The following KRTAP27-1 variants were observed in gnomAD, a reference collection of about 807,000 sequenced individuals.
KRTAP27-1 encodes keratin-associated protein 27-1.
A neutral mutation model predicts 0.5 loss-of-function variants in KRTAP27-1; 1 was observed. The observed-to-expected ratio is 1.90, with a 90% confidence interval of 0.68 to 9.03. The LOEUF (loss-of-function observed/expected upper bound fraction) is 9.03. KRTAP27-1 is among the 30% of genes most tolerant of loss of function. The pLI, the probability that KRTAP27-1 is intolerant of heterozygous loss-of-function variation, is 0.13. For missense variants in KRTAP27-1, 264 were observed against 244.2 expected (o/e 1.08, Z -0.54); for synonymous variants, 103 against 88.9 (o/e 1.16, Z -0.89).
chr21:30,337,471 T>C lies in KRTAP27-1; in HGVS notation c.198A>G (p.Glu66=). 1 of 1,614,222 alleles carries C rather than the reference T, an allele frequency of 6.2e-7. No homozygotes were observed. ...ETTSCQMTNC[E]QDLFTDDSCV... is the part of the protein sequence containing the mutation. The stretch of plus-strand genomic sequence containing the variant: ...AGCTATCGTCTGTGAATAAGTCCTG[T>C]TCACAATTGGTCATTTGGCAGCTGG... Residue 66 remains glutamate (E), a synonymous_variant, in exon 1 of 1, where the codon GAA becomes GAG. Transcript: ENST00000382835.
At position 30,337,422 on chromosome 21, in the gene KRTAP27-1, C is replaced by T. The variant is rs147427257; in HGVS notation, c.247G>A (p.Gly83Arg). The change falls in exon 1 of 1, where the codon GGA becomes AGA. Residue 83 changes from glycine to arginine, a missense_variant. Coordinates refer to ENST00000382835, the MANE Select transcript of KRTAP27-1 (RefSeq NM_001077711.1). ...DSCVQSNCFP[G>R]VVQTTYSNSR... ...TTGGAGTAAGTAGTTTGGACAACTC[C>T]GGGGAAGCAGTTACTTTGCACACAG... 414 of 1,614,034 alleles carry T rather than the reference C, an allele frequency of 2.6e-4. No homozygotes were observed. The highest frequency in any genetic ancestry group is 3.3e-4 in the Non-Finnish European group (392 of 1,180,032).
In KRTAP27-1 at chr21:30,337,282, C is replaced by G. The variant is rs1358344171; in HGVS notation, c.387G>C (p.Gln129His). Residue 129 changes from glutamine (Q) to histidine (H), a missense_variant, in exon 1 of 1, where the codon CAG becomes CAC. Gln to His is a conservative substitution (Grantham distance 24). Transcript: ENST00000382835. ...ESTQQMGFVAQSCQPASLKGN... is the reference protein window; with the variant it reads ...ESTQQMGFVAHSCQPASLKGN... ...CCTTGAGGCTTGCAGGTTGGCAGCT[C>G]TGGGCTACAAAACCCATCTGCTGAG... 1.2e-6 allele frequency: 2 copies of G among 1,614,102 alleles called. No individual in the cohort carries two copies. The highest frequency in any genetic ancestry group is 1.7e-6 in the Non-Finnish European group (2 of 1,179,948).
At position 30,337,134 on chromosome 21, in the gene KRTAP27-1, C is replaced by T; in HGVS notation, c.535G>A (p.Val179Ile). 6.2e-7 allele frequency: 1 copy of T among 1,614,148 alleles called. No individual in the cohort carries two copies. The highest frequency in any genetic ancestry group is 8.5e-7 in the Non-Finnish European group (1 of 1,180,004). The change falls in exon 1 of 1, where the codon GTT (valine) becomes ATT (isoleucine). Residue 179 changes from valine to isoleucine, a missense_variant. By Grantham distance (29) the Val-to-Ile change is conservative. Transcript: ENST00000382835. ...ESSSCRPLVN[V>I]APEPQLLESS... ...TCCAGGAGTTGTGGCTCAGGTGCAACATTGACCAGAGGTCTACAGGAACTG... is the reference window on the plus strand; with the variant it reads ...TCCAGGAGTTGTGGCTCAGGTGCAATATTGACCAGAGGTCTACAGGAACTG...
rs1982057273 is a variant in KRTAP27-1, at chr21:30,337,284, G to C, written c.385C>G (p.Gln129Glu). 5 of 1,614,094 alleles carry C rather than the reference G, an allele frequency of 3.1e-6. No homozygotes were observed. The highest frequency in any genetic ancestry group is 4.2e-6 in the Non-Finnish European group (5 of 1,179,920). Residue 129 changes from glutamine to glutamate, a missense_variant, in exon 1 of 1, where the codon CAG becomes GAG. Coordinates refer to ENST00000382835, the MANE Select transcript of KRTAP27-1 (RefSeq NM_001077711.1). The part of the protein sequence containing the change: ...ESTQQMGFVA[Q>E]SCQPASLKGN... ...TTGAGGCTTGCAGGTTGGCAGCTCT[G>C]GGCTACAAAACCCATCTGCTGAGTG...
In KRTAP27-1 at chr21:30,337,439, T is replaced by G. The variant is rs748535611; in HGVS notation, c.230A>C (p.Gln77Pro). 6.8e-6 allele frequency: 11 copies of G among 1,614,180 alleles called. No individual in the cohort carries two copies. The highest frequency in any genetic ancestry group is 3.3e-4 in the Middle Eastern group (2 of 6,062). ...GACAACTCCGGGGAAGCAGTTACTT[T>G]GCACACAGCTATCGTCTGTGAATAA... ...QDLFTDDSCV[Q>P]SNCFPGVVQT... is the part of the protein sequence containing the mutation. The change falls in exon 1 of 1, where the codon CAA becomes CCA. Residue 77 changes from glutamine (Q) to proline (P), a missense_variant. Gln to Pro is a moderately conservative substitution (Grantham distance 76, BLOSUM62 -1). Coordinates refer to ENST00000382835, the MANE Select transcript of KRTAP27-1 (RefSeq NM_001077711.1).
rs745628534 is a variant in KRTAP27-1, at chr21:30,337,037, A to G, written c.*8T>C. The G allele has an allele frequency of 3.2e-6, 5 of 1,572,974 alleles. No homozygotes were observed. In the African/African-American group the frequency reaches 6.8e-5, roughly 22 times the overall value. ...AATGAGAATATAAGCCATCTCCCCT[A>G]CAGATCTTCACTTACTAGGCAATTG... On this transcript the variant is annotated 3_prime_UTR_variant, in exon 1 of 1. Coordinates refer to ENST00000382835, the MANE Select transcript of KRTAP27-1 (RefSeq NM_001077711.1).
rs1377344360 is a variant in KRTAP27-1 at position 30,337,153 on chromosome 21, G to A, written c.516C>T (p.Ser172=). ...GTGCAACATTGACCAGAGGTCTACA[G>A]GAACTGGATTCAGGGTTCTGAGACT... ...QCQSQNPESS[S]CRPLVNVAPE... Residue 172 remains serine, a synonymous_variant, in exon 1 of 1, where the codon TCC becomes TCT. Transcript: ENST00000382835. The A allele has an allele frequency of 3.7e-6, 6 of 1,614,180 alleles. No homozygotes were observed. The highest frequency in any genetic ancestry group is 5.1e-6 in the Non-Finnish European group (6 of 1,180,030).
chr21:30,337,133 A>C lies in KRTAP27-1; in HGVS notation c.536T>G (p.Val179Gly). 6.2e-7 allele frequency: 1 copy of C among 1,614,144 alleles called. No homozygotes were observed. The highest frequency in any genetic ancestry group is 8.5e-7 in the Non-Finnish European group (1 of 1,179,982). The change falls in exon 1 of 1, where the codon GTT becomes GGT. Residue 179 changes from valine to glycine, a missense_variant. Physicochemically the swap from Val to Gly is moderately radical, Grantham distance 109. Transcript: ENST00000382835. Reference sequence around the variant, plus strand: ...TTCCAGGAGTTGTGGCTCAGGTGCAACATTGACCAGAGGTCTACAGGAACT... The same window carrying C: ...TTCCAGGAGTTGTGGCTCAGGTGCACCATTGACCAGAGGTCTACAGGAACT... ...ESSSCRPLVN[V>G]APEPQLLESS...
chr21:30,337,302 G>A, the KRTAP27-1 span: 2 of 1,614,016 alleles, frequency 1.2e-6, no homozygotes, highest in South Asian at 2.2e-5. Flanking sequence ...AAACCCATCT[G>A]CTGAGTGCTT....
rs749702309 is a variant in KRTAP27-1 at position 30,337,538 on chromosome 21, G to T, written c.131C>A (p.Thr44Asn). 3.1e-6 allele frequency: 5 copies of T among 1,614,070 alleles called. No homozygotes were observed. In the South Asian group the frequency reaches 4.4e-5, roughly 14 times the overall value. The change falls in exon 1 of 1, where the codon ACC becomes AAC. Residue 44 changes from threonine (T) to asparagine (N), a missense_variant. By Grantham distance (65) the Thr-to-Asn change is moderately conservative. Coordinates refer to ENST00000382835, the MANE Select transcript of KRTAP27-1 (RefSeq NM_001077711.1). ...LCLPSSFHSR[T>N]CFLDNFQETC... The stretch of plus-strand genomic sequence containing the variant: ...TTCTTGAAAGTTGTCCAGGAAACAG[G>T]TTCTGCTATGGAAGCTGCTGGGCAA...
Position 30,337,068 on chromosome 21 carries a change from C to A in KRTAP27-1, c.601G>T (p.Gly201Cys), listed in dbSNP as rs776229826. 3.1e-6 allele frequency: 5 copies of A among 1,602,100 alleles called. No homozygotes were observed. The highest frequency in any genetic ancestry group is 1.1e-5 in the South Asian group (1 of 90,432). ...GVEPTCCVTGGSQLPSK is the reference protein window; with the variant it reads ...GVEPTCCVTGCSQLPSK ...CTTCACTTACTAGGCAATTGAGAACCACCAGTAACACAGCAAGTTGGTTCA... is the reference window on the plus strand; with the variant it reads ...CTTCACTTACTAGGCAATTGAGAACAACCAGTAACACAGCAAGTTGGTTCA... The change falls in exon 1 of 1, where the codon GGT becomes TGT. Residue 201 changes from glycine (G) to cysteine (C), a missense_variant. Transcript: ENST00000382835.
chr21:30,337,663 A>G lies in KRTAP27-1; in HGVS notation c.6T>C (p.Pro2=). M[P]HSHCHSLRSF... ...TCCTGAGTGAATGGCAGTGGCTATG[A>G]GGCATATTGCTAAAAATCCTTAAAG... is the stretch of plus-strand genomic sequence containing the variant. Residue 2 remains proline, a synonymous_variant, in exon 1 of 1, where the codon CCT becomes CCC. Transcript: ENST00000382835. 1 of 1,609,226 alleles carries G rather than the reference A, an allele frequency of 6.2e-7. No homozygotes were observed. Among genetic ancestry groups the G allele is most frequent in the Non-Finnish European group, 8.5e-7 (1 of 1,176,042 alleles).
In KRTAP27-1 at chr21:30,337,455, C is replaced by T; in HGVS notation, c.214G>A (p.Asp72Asn). Reference protein sequence around the residue: ...MTNCEQDLFTDDSCVQSNCFP... With the variant: ...MTNCEQDLFTNDSCVQSNCFP... ...CAGTTACTTTGCACACAGCTATCGT[C>T]TGTGAATAAGTCCTGTTCACAATTG... The change falls in exon 1 of 1, where the codon GAC (aspartate) becomes AAC (asparagine). Residue 72 changes from aspartate (D) to asparagine (N), a missense_variant. Transcript: ENST00000382835. 6.2e-7 allele frequency: 1 copy of T among 1,614,186 alleles called. No individual in the cohort carries two copies. Among genetic ancestry groups the T allele is most frequent in the South Asian group, 1.1e-5 (1 of 91,084 alleles).
At position 30,337,593 on chromosome 21, in the gene KRTAP27-1, T is replaced by C. The variant is rs1167128881; in HGVS notation, c.76A>G (p.Asn26Asp). The change falls in exon 1 of 1, where the codon AAT becomes GAT. Residue 26 changes from asparagine to aspartate, a missense_variant. Transcript: ENST00000382835. ...AATCTGTCTTCAAAGGTTATAGGAT[T>C]AGTGCCATGTGTGATGGCAGAGAGT... The part of the protein sequence containing the change: ...PPLSAITHGT[N>D]PITFEDRLCL... The C allele has an allele frequency of 6.2e-7, 1 of 1,614,068 alleles. No homozygotes were observed. The highest frequency in any genetic ancestry group is 1.7e-5 in the Admixed American group (1 of 60,012).
In KRTAP27-1 at chr21:30,337,150, A is replaced by C; in HGVS notation, c.519T>G (p.Cys173Trp). The C allele has an allele frequency of 1.2e-6, 2 of 1,614,162 alleles. No individual in the cohort carries two copies. Among genetic ancestry groups the C allele is most frequent in the Non-Finnish European group, 1.7e-6 (2 of 1,179,998 alleles). The change falls in exon 1 of 1, where the codon TGT becomes TGG. Residue 173 changes from cysteine (C) to tryptophan (W), a missense_variant. By Grantham distance (215) the Cys-to-Trp change is radical. Transcript: ENST00000382835. ...CQSQNPESSS[C>W]RPLVNVAPEP... ...CAGGTGCAACATTGACCAGAGGTCT[A>C]CAGGAACTGGATTCAGGGTTCTGAG...
Position 30,337,390 on chromosome 21 carries a change from C to T in KRTAP27-1, c.279G>A (p.Arg93=). The change falls in exon 1 of 1, where the codon AGG becomes AGA. Residue 93 remains arginine (R), a synonymous_variant. Coordinates refer to ENST00000382835, the MANE Select transcript of KRTAP27-1 (RefSeq NM_001077711.1). ...GVVQTTYSNS[R]PCERTACQSE... is the part of the protein sequence containing the mutation. The stretch of plus-strand genomic sequence containing the variant: ...ATTGGCACGCTGTCCTTTCGCAGGG[C>T]CTGGAATTGGAGTAAGTAGTTTGGA... 1 of 1,614,112 alleles carries T rather than the reference C, an allele frequency of 6.2e-7. No individual in the cohort carries two copies. The highest frequency in any genetic ancestry group is 8.5e-7 in the Non-Finnish European group (1 of 1,180,002).
At position 30,337,432 on chromosome 21, in the gene KRTAP27-1, G is replaced by A. The variant is rs372998404; in HGVS notation, c.237C>T (p.Asn79=). The change falls in exon 1 of 1, where the codon AAC becomes AAT. Residue 79 remains asparagine, a synonymous_variant. Coordinates refer to ENST00000382835, the MANE Select transcript of KRTAP27-1 (RefSeq NM_001077711.1). ...LFTDDSCVQS[N]CFPGVVQTTY... is the part of the protein sequence containing the mutation. ...TAGTTTGGACAACTCCGGGGAAGCA[G>A]TTACTTTGCACACAGCTATCGTCTG... 1 of 1,614,108 alleles carries A rather than the reference G, an allele frequency of 6.2e-7. No homozygotes were observed. Among genetic ancestry groups the A allele is most frequent in the African/African-American group, 1.3e-5 (1 of 74,948 alleles).
rs146356563 is a variant in KRTAP27-1 at position 30,337,184 on chromosome 21, T to A, written c.485A>T (p.Gln162Leu). The change falls in exon 1 of 1, where the codon CAG (glutamine) becomes CTG (leucine). Residue 162 changes from glutamine (Q) to leucine (L), a missense_variant. Gln to Leu is a moderately radical substitution (Grantham distance 113). Coordinates refer to ENST00000382835, the MANE Select transcript of KRTAP27-1 (RefSeq NM_001077711.1). ...ETLERASSQCQCQSQNPESSS... is the reference protein window; with the variant it reads ...ETLERASSQCLCQSQNPESSS... ...GGATTCAGGGTTCTGAGACTGACAC[T>A]GACATTGGCTAGATGCACGTTCCAG... 5 of 1,614,028 alleles carry A rather than the reference T, an allele frequency of 3.1e-6. No homozygotes were observed. In the Admixed American group the frequency reaches 8.3e-5, roughly 27 times the overall value.
chr21:30,337,041 A>G lies in KRTAP27-1; in HGVS notation c.*4T>C, dbSNP rs1982046832. ...AGAATATAAGCCATCTCCCCTACAG[A>G]TCTTCACTTACTAGGCAATTGAGAA... On this transcript the variant is annotated 3_prime_UTR_variant, in exon 1 of 1. Transcript: ENST00000382835. The G allele has an allele frequency of 1.3e-6, 2 of 1,580,742 alleles. No individual in the cohort carries two copies. Among genetic ancestry groups the G allele is most frequent in the South Asian group, 1.1e-5 (1 of 87,702 alleles).
Sources: gnomAD v4.1 joint callset for allele counts on GRCh38, gnomAD v4.1.1 for gene constraint, MANE v1.5 for transcripts, NCBI Gene and HGNC (gene_info 2026-07-23, HGNC 2026-07-21) for gene names.